MSRA: variants seen among roughly 807,000 people sequenced by gnomAD.
MSRA encodes the protein methionine sulfoxide reductase A, also known as mitochondrial peptide methionine sulfoxide reductase.
A neutral mutation model predicts 31.3 loss-of-function variants in MSRA; 54 were observed. That is an observed-to-expected ratio of 1.73 (90% CI 1.39 to 2.17). The LOEUF is 2.17. MSRA is among the 30% of genes most tolerant of loss of function. The pLI is 0.00. For missense variants in MSRA, 507 were observed against 300.9 expected, an observed-to-expected ratio of 1.69 and a Z score of -5.07; for synonymous variants, 169 against 116.5, an observed-to-expected ratio of 1.45 and a Z score of -2.90.
At chr8:10,247,234 T>C (rs1486260268) in intron 3 of MSRA, among the ~76,000 whole-genome samples, 1 of 152,262 alleles carries the variant, frequency 6.6e-6, no homozygotes. Flanking sequence ...TGTCAGCTTC[T>C]ATCTTTTACA....
chr8:10,284,121 C>CT (rs1799805644), intron 3 of MSRA, among the ~76,000 whole-genome samples: 1 of 151,958 alleles, frequency 6.6e-6, no homozygotes, highest in African/African-American at 2.4e-5. Context: ...CCTGCCACTG[C>CT]TTTTCTGCTT....
chr8:10,153,846 A>C (rs574256853), intron 1 of MSRA, among the ~76,000 whole-genome samples: 1 of 152,198 alleles, frequency 6.6e-6, no homozygotes, highest in Non-Finnish European at 1.5e-5. Flanking sequence ...CTTAATTTCA[A>C]TCCTTTTATT....
At chr8:10,281,947 C>A (rs916019392) in intron 3 of MSRA, among the ~76,000 whole-genome samples, 28 of 152,070 alleles carry the variant, frequency 1.8e-4, no homozygotes, top group African/African-American at 5.8e-4. Flanking sequence ...GCTTACTTTG[C>A]AGGTTTTTCA....
At chr8:10,373,219 T>A (rs1014884058) in intron 5 of MSRA, among the ~76,000 whole-genome samples, 3 of 152,244 alleles carry the variant, frequency 2.0e-5, no homozygotes, top group African/African-American at 7.2e-5. Context: ...AGCGAAATCT[T>A]GTCTAATCCC....
chr8:10,136,187 C>T lies in MSRA; in HGVS notation c.143-71646C>T, dbSNP rs957270965. ...TTGCAGTCACGCTGGGCACAGGGAC[C>T]CCGGGCAGAGAGGAGCTCTGCGGTG... On this transcript the variant is annotated intron_variant, in intron 1 of 5. Coordinates refer to ENST00000317173, the MANE Select transcript of MSRA (RefSeq NM_012331.5). Among the ~76,000 whole-genome samples, 3 of 152,218 alleles carry T rather than the reference C, an allele frequency of 2.0e-5. 1 individual carries two copies. The highest frequency in any genetic ancestry group is 4.8e-5 in the African/African-American group (2 of 41,502).
chr8:10,143,359 G>A (rs1802865080), intron 1 of MSRA, among the ~76,000 whole-genome samples: 1 of 152,170 alleles, frequency 6.6e-6, no homozygotes. Context: ...AATGCTTTCA[G>A]AAAAGGGTCC....
chr8:10,392,701 A>G (rs896446016), intron 5 of MSRA, among the ~76,000 whole-genome samples: 3 of 145,914 alleles, frequency 2.1e-5, no homozygotes, highest in Admixed American at 6.8e-5. Context: ...TTTTAAATCT[A>G]TGATATTGGG....
At chr8:10,257,547 T>C (rs1798248631) in intron 3 of MSRA, among the ~76,000 whole-genome samples, 1 of 152,134 alleles carries the variant, frequency 6.6e-6, no homozygotes, top group African/African-American at 2.4e-5. Context: ...GCTGGGATTA[T>C]AGGCACGCAC....
intron 1 of MSRA, among the ~76,000 whole-genome samples, chr8:10,088,781 A>G (rs1798702754): frequency 6.6e-6 from 1 of 152,210 alleles, no homozygotes; most frequent in Non-Finnish European, 1.5e-5. Flanking sequence ...CATGTGATAT[A>G]TGTATACAAT....
At chr8:10,362,317 T>A (rs1321245823) in intron 5 of MSRA, among the ~76,000 whole-genome samples, 1 of 152,104 alleles carries the variant, frequency 6.6e-6, no homozygotes, top group African/African-American at 2.4e-5. Context: ...GAGAAATATT[T>A]TGTGATTAGT....
intron 5 of MSRA, among the ~76,000 whole-genome samples, chr8:10,417,754 T>TGTGTGTGTGTGTG (rs1808557325): frequency 1.5e-5 from 2 of 129,842 alleles, no homozygotes; most frequent in African/African-American, 5.7e-5. Flanking sequence ...AACCTGCATG[T>TGTGTGTGTGTGTG]TGTGTGTGTG....
At chr8:10,193,140 G>A (rs1563202474) in intron 1 of MSRA, among the ~76,000 whole-genome samples, 1 of 152,198 alleles carries the variant, frequency 6.6e-6, no homozygotes, top group Non-Finnish European at 1.5e-5. Flanking sequence ...CTATGCTGAA[G>A]TCTTCTTATA....
intron 2 of MSRA, among the ~76,000 whole-genome samples, chr8:10,233,439 G>A (rs1006552217): frequency 3.9e-5 from 6 of 152,206 alleles, no homozygotes; most frequent in African/African-American, 1.4e-4. Flanking sequence ...ATTTTAAAAT[G>A]TGTGTTTAGG....
chr8:10,285,653 C>G (rs4841309), intron 3 of MSRA, among the ~76,000 whole-genome samples: 18,132 of 151,762 alleles, frequency 0.12, 3,122 homozygotes, highest in African/African-American at 0.38. Flanking sequence ...CCCTTCCCCC[C>G]ACTCCTTCCC....
chr8:10,324,390 C>G (rs1413424746), intron 5 of MSRA, among the ~76,000 whole-genome samples: 1 of 152,198 alleles, frequency 6.6e-6, no homozygotes, highest in South Asian at 2.1e-4. Flanking sequence ...CCCTGGCCCT[C>G]TGCTCTCACT....
intron 1 of MSRA, among the ~76,000 whole-genome samples, chr8:10,086,341 A>G (rs1048056484): frequency 2.6e-5 from 4 of 152,194 alleles, no homozygotes. Flanking sequence ...TTTTTGAGAA[A>G]AAGTCAAGAA....
intron 1 of MSRA, chr8:10,095,800 T>C (rs1192771385): frequency 1.6e-6 from 2 of 1,221,594 alleles, no homozygotes; most frequent in Non-Finnish European, 2.1e-6. Context: ...TAGTCACCAG[T>C]ATTAAGGGAA....
chr8:10,069,460 A>G (rs962933279), intron 1 of MSRA, among the ~76,000 whole-genome samples: 1 of 152,208 alleles, frequency 6.6e-6, no homozygotes, highest in Non-Finnish European at 1.5e-5. Flanking sequence ...GAACTGGGTA[A>G]TTTATAAAGA....
intron 5 of MSRA, among the ~76,000 whole-genome samples, chr8:10,343,092 A>C (rs1474344664): frequency 4.0e-5 from 6 of 150,954 alleles, no homozygotes; most frequent in Non-Finnish European, 8.8e-5. Context: ...CTTCCCAGCT[A>C]ATTCTTAGAG....
Sources: allele counts gnomAD v4.1 joint callset (sites outside exome capture counted in the v4.1 genomes callset), GRCh38; gene constraint gnomAD v4.1.1; transcripts MANE v1.5; gene names NCBI Gene and HGNC (gene_info 2026-07-23, HGNC 2026-07-21).